Variants in CWF19L2 observed in about 807,000 individuals in gnomAD.
The protein encoded by CWF19L2 is CWF19 like cell cycle control factor 2.
Under a neutral mutation model 111.7 loss-of-function variants are expected in CWF19L2, and 98 were observed. The observed-to-expected ratio is 0.88, with a 90% CI of 0.75 to 1.04. CWF19L2 has a LOEUF of 1.04. Ranked by LOEUF, CWF19L2 falls within the 50% of genes least tolerant of loss-of-function variation. The pLI, the probability that CWF19L2 is intolerant of heterozygous loss-of-function variation, is 0.00. For missense variants in CWF19L2, 1,101 were observed against 1,051.4 expected (o/e 1.05, Z -0.65); for synonymous variants, 351 against 342.9 (o/e 1.02, Z -0.26).
intron 3 of CWF19L2, among the ~76,000 whole-genome samples, chr11:107,445,439 A>G (rs772725733): frequency 6.6e-6 from 1 of 152,082 alleles, no homozygotes; most frequent in Non-Finnish European, 1.5e-5. Context: ...CCCCATCTCT[A>G]CTAAAAATAC....
chr11:107,426,632 C>A, intron 8 of CWF19L2, among the ~76,000 whole-genome samples: 1 of 151,180 alleles, frequency 6.6e-6, no homozygotes, highest in South Asian at 2.1e-4. Flanking sequence ...TATTAAAGAG[C>A]CTTTAAAATA....
At chr11:107,431,011 A>T (rs596048) in intron 7 of CWF19L2, among the ~76,000 whole-genome samples, 83,122 of 151,598 alleles carry the variant, frequency 0.55, 23,716 homozygotes, top group African/African-American at 0.72. Flanking sequence ...AAATAAAAAA[A>T]TAAAATTAAA....
intron 12 of CWF19L2, among the ~76,000 whole-genome samples, chr11:107,378,063 T>G (rs1396495538): frequency 1.1e-4 from 16 of 150,884 alleles, no homozygotes; most frequent in East Asian, 5.8e-4. Flanking sequence ...AAAACCACAA[T>G]GAGATACCAT....
intron 2 of CWF19L2, among the ~76,000 whole-genome samples, chr11:107,454,842 A>T (rs1260621856): frequency 6.6e-6 from 1 of 152,174 alleles, no homozygotes; most frequent in East Asian, 1.9e-4. Context: ...TAATGTGACA[A>T]ATATAATCAA....
intron 12 of CWF19L2, among the ~76,000 whole-genome samples, chr11:107,357,081 C>T (rs1860248823): frequency 9.6e-6 from 1 of 104,468 alleles, no homozygotes; most frequent in South Asian, 2.8e-4. Flanking sequence ...AAACAAAAAA[C>T]CGAGACTAAC....
rs886286369 is a variant in CWF19L2 at position 107,373,497 on chromosome 11, C to T, written c.1872+16577G>A. Among the ~76,000 whole-genome samples the T allele has an allele frequency of 1.6e-4, 21 of 132,856 alleles. 4 individuals are homozygous for T. The highest frequency in any genetic ancestry group is 2.2e-4 in the Admixed American group (3 of 13,744). The allele number at this position is 132,856 out of a possible 152,430, so 87.2% of individuals were successfully genotyped here. A position where few individuals can be genotyped will look rare whatever the true frequency, so the allele number is the denominator to read the frequency against. ...CGAGCAGCCTAACTGGGAGGCACCC[C>T]CCAGGAGGGGCAGACTGACACCTCA... On this transcript the variant is annotated intron_variant, in intron 12 of 17. Coordinates refer to ENST00000282251, the MANE Select transcript of CWF19L2 (RefSeq NM_152434.3).
In CWF19L2 at chr11:107,348,932, C is replaced by A; in HGVS notation, c.2202+5G>T. 1 of 1,527,750 alleles carries A rather than the reference C, an allele frequency of 6.5e-7. No individual in the cohort carries two copies. The highest frequency in any genetic ancestry group is 1.8e-5 in the Admixed American group (1 of 54,640). 94.6% of individuals were successfully genotyped at this position (1,527,750 alleles called of 1,614,324 possible). Reference sequence around the variant, plus strand: ...AAAATGATAATGAACATTTATTATGCTGACCTGGATCTCCTCCCAGATGTC... The same window carrying A: ...AAAATGATAATGAACATTTATTATGATGACCTGGATCTCCTCCCAGATGTC... On this transcript the variant is annotated splice_donor_5th_base_variant and intron_variant, in intron 14 of 17. Coordinates refer to ENST00000282251, the MANE Select transcript of CWF19L2 (RefSeq NM_152434.3).
At chr11:107,386,154 C>A (rs1860762740) in intron 12 of CWF19L2, among the ~76,000 whole-genome samples, 1 of 152,152 alleles carries the variant, frequency 6.6e-6, no homozygotes, top group South Asian at 2.1e-4. Context: ...GCTGAAACTA[C>A]AGATAAGTAC....
At chr11:107,402,867 T>C (rs1230618075) in intron 10 of CWF19L2, among the ~76,000 whole-genome samples, 1 of 43,226 alleles carries the variant, frequency 2.3e-5, no homozygotes, top group Non-Finnish European at 4.0e-5. Flanking sequence ...AAACAAACTG[T>C]GGTGTGTATA....
At chr11:107,376,395 A>C (rs1380539855) in intron 12 of CWF19L2, among the ~76,000 whole-genome samples, 1 of 97,712 alleles carries the variant, frequency 1.0e-5, no homozygotes, top group Non-Finnish European at 1.9e-5. Context: ...ATCCAGCAGC[A>C]CATAAAAAAC....
chr11:107,350,978 C>A (rs1004957966), intron 13 of CWF19L2, among the ~76,000 whole-genome samples: 6 of 152,164 alleles, frequency 3.9e-5, no homozygotes, highest in African/African-American at 1.4e-4. Flanking sequence ...GGCTGACAGA[C>A]AGTGAGGTGA....
chr11:107,373,858 G>C (rs1211917067), intron 12 of CWF19L2, among the ~76,000 whole-genome samples: 1 of 133,212 alleles, frequency 7.5e-6, no homozygotes, highest in Non-Finnish European at 1.6e-5. Context: ...AGGCAAAGAA[G>C]TTGAAAACTT....
intron 12 of CWF19L2, among the ~76,000 whole-genome samples, chr11:107,377,952 C>T (rs1379442863): frequency 2.6e-5 from 4 of 151,932 alleles, no homozygotes; most frequent in Admixed American, 6.5e-5. Flanking sequence ...AACAAGTGGG[C>T]GGAGGATATG....
intron 10 of CWF19L2, among the ~76,000 whole-genome samples, chr11:107,412,692 T>A (rs1231597514): frequency 6.6e-6 from 1 of 152,202 alleles, no homozygotes; most frequent in African/African-American, 2.4e-5. Context: ...CACACAGATG[T>A]GTATAGCAGT....
intron 5 of CWF19L2, among the ~76,000 whole-genome samples, chr11:107,441,249 A>T (rs1353678793): frequency 6.6e-6 from 1 of 152,212 alleles, no homozygotes; most frequent in African/African-American, 2.4e-5. Context: ...CTTTCAATTT[A>T]ATGATATTAA....
chr11:107,415,867 G>A (rs1432918521), intron 10 of CWF19L2, among the ~76,000 whole-genome samples: 1 of 152,130 alleles, frequency 6.6e-6, no homozygotes, highest in Non-Finnish European at 1.5e-5. Flanking sequence ...GGAGGTTGAG[G>A]CGGGTGGATC....
At chr11:107,399,322 G>A (rs1350956150) in intron 10 of CWF19L2, among the ~76,000 whole-genome samples, 3 of 152,046 alleles carry the variant, frequency 2.0e-5, no homozygotes, top group East Asian at 3.9e-4. Context: ...GCCACCTTCA[G>A]GAAACTCACC....
chr11:107,450,817 GCTGT>G (rs1242966930), intron 3 of CWF19L2, among the ~76,000 whole-genome samples: 2 of 152,106 alleles, frequency 1.3e-5, no homozygotes, highest in Non-Finnish European at 2.9e-5. Context: ...TCATCAAGGA[GCTGT>G]CTATGTACCT....
At chr11:107,385,799 C>G (rs1008330277) in intron 12 of CWF19L2, among the ~76,000 whole-genome samples, 4 of 152,218 alleles carry the variant, frequency 2.6e-5, no homozygotes, top group Non-Finnish European at 5.9e-5. Context: ...TCCAGCACAA[C>G]CATGCTGTGT....
Sources: gnomAD v4.1 joint callset for allele counts (sites outside exome capture counted in the v4.1 genomes callset) on GRCh38, gnomAD v4.1.1 for gene constraint, MANE v1.5 for transcripts, NCBI Gene and HGNC (gene_info 2026-07-23, HGNC 2026-07-21) for gene names.